Variants in BRINP3 observed in about 807,000 individuals in gnomAD.
BRINP3 encodes the protein BMP/retinoic acid inducible neural specific 3.
Under a neutral mutation model 71.0 loss-of-function variants are expected in BRINP3, and 19 were observed. The observed-to-expected ratio is 0.27, with a 90% CI of 0.19 to 0.39. The LOEUF (loss-of-function observed/expected upper bound fraction) is 0.39, where lower values mean the gene tolerates loss of function less well. Among genes scored for constraint, BRINP3 ranks in the 10% least tolerant of loss-of-function variants. The pLI is 1.00. For synonymous variants in BRINP3, 380 were observed against 337.7 expected, an observed-to-expected ratio of 1.13 and a Z score of -1.37; for missense variants, 959 against 940.8, an observed-to-expected ratio of 1.02 and a Z score of -0.25.
At chr1:190,099,863 AT>A (rs1046259589) in intron 7 of BRINP3, among the ~76,000 whole-genome samples, 7 of 152,018 alleles carry the variant, frequency 4.6e-5, no homozygotes, top group South Asian at 4.2e-4. Flanking sequence ...AGTCATTAAC[AT>A]TTTTTTTCTC....
chr1:190,199,782 A>AC (rs1654833910), intron 6 of BRINP3, among the ~76,000 whole-genome samples: 3 of 147,050 alleles, frequency 2.0e-5, no homozygotes, highest in African/African-American at 4.9e-5. Context: ...AAAAAAAAAA[A>AC]AACAAAAACA....
chr1:190,298,627 T>C (rs1012727537), intron 2 of BRINP3, among the ~76,000 whole-genome samples: 1 of 152,134 alleles, frequency 6.6e-6, no homozygotes, highest in Non-Finnish European at 1.5e-5. Context: ...TCCAAGTGTT[T>C]GGAAATTTCC....
intron 6 of BRINP3, among the ~76,000 whole-genome samples, chr1:190,220,351 A>T (rs1486462470): frequency 6.6e-6 from 1 of 151,940 alleles, no homozygotes. Context: ...ATGAGATCAC[A>T]CGGACACAGG....
chr1:190,225,005 G>A (rs1218745842), intron 6 of BRINP3, among the ~76,000 whole-genome samples: 1 of 151,810 alleles, frequency 6.6e-6, no homozygotes, highest in Non-Finnish European at 1.5e-5. Context: ...TGCAGAGAAA[G>A]GGGAACCCTT....
At chr1:190,147,668 C>G (rs1035836488) in intron 7 of BRINP3, among the ~76,000 whole-genome samples, 4 of 152,180 alleles carry the variant, frequency 2.6e-5, no homozygotes, top group African/African-American at 7.2e-5. Context: ...AAACAAAATT[C>G]TTTTGCTGTC....
intron 1 of BRINP3, among the ~76,000 whole-genome samples, chr1:190,475,541 G>A (rs1677439868): frequency 1.3e-5 from 2 of 152,128 alleles, no homozygotes; most frequent in Admixed American, 1.3e-4. Flanking sequence ...CTACACGCAT[G>A]GGTTATTCCC....
At chr1:190,325,128 C>T (rs1271147299) in intron 2 of BRINP3, among the ~76,000 whole-genome samples, 1 of 151,274 alleles carries the variant, frequency 6.6e-6, no homozygotes, top group Non-Finnish European at 1.5e-5. Flanking sequence ...AGACTGATAC[C>T]CAGAAAAAAA....
At chr1:190,433,587 A>T (rs1674248686) in intron 2 of BRINP3, among the ~76,000 whole-genome samples, 1 of 151,994 alleles carries the variant, frequency 6.6e-6, no homozygotes, top group South Asian at 2.1e-4. Flanking sequence ...CCCTTTTTAG[A>T]CCCATTTCTA....
chr1:190,393,848 C>T (rs1671408903), intron 2 of BRINP3, among the ~76,000 whole-genome samples: 1 of 151,470 alleles, frequency 6.6e-6, no homozygotes, highest in African/African-American at 2.4e-5. Flanking sequence ...CGCAGAATTT[C>T]AGTTTTAAAA....
At chr1:190,249,098 T>C (rs1372550766) in intron 4 of BRINP3, among the ~76,000 whole-genome samples, 5 of 151,736 alleles carry the variant, frequency 3.3e-5, no homozygotes, top group Admixed American at 1.3e-4. Context: ...TGCAAGAATA[T>C]TAGAATACTT....
intron 2 of BRINP3, among the ~76,000 whole-genome samples, chr1:190,423,299 T>C (rs894463282): frequency 2.0e-5 from 3 of 151,744 alleles, no homozygotes; most frequent in African/African-American, 4.8e-5. Flanking sequence ...TTCACTGTTA[T>C]AGAGTTCAAT....
chr1:190,413,019 A>G (rs1449785695), intron 2 of BRINP3, among the ~76,000 whole-genome samples: 1 of 152,184 alleles, frequency 6.6e-6, no homozygotes, highest in Non-Finnish European at 1.5e-5. Flanking sequence ...ATTTTTAAAA[A>G]TCTCTTTATG....
chr1:190,270,038 G>A (rs1383614193), intron 3 of BRINP3, among the ~76,000 whole-genome samples: 1 of 151,922 alleles, frequency 6.6e-6, no homozygotes, highest in Admixed American at 6.6e-5. Context: ...GAAGAAGGCA[G>A]CAAAGATTAT....
intron 1 of BRINP3, among the ~76,000 whole-genome samples, chr1:190,462,913 C>T (rs1263842008): frequency 6.6e-6 from 1 of 151,970 alleles, no homozygotes; most frequent in African/African-American, 2.4e-5. Context: ...TTCTGAGTAA[C>T]TACATATTAT....
chr1:190,333,939 T>C (rs1444884028), intron 2 of BRINP3, among the ~76,000 whole-genome samples: 1 of 151,916 alleles, frequency 6.6e-6, no homozygotes, highest in Non-Finnish European at 1.5e-5. Flanking sequence ...GGGCTCTTAA[T>C]GACTCCAATA....
chr1:190,410,525 G>A (rs548764484), intron 2 of BRINP3, among the ~76,000 whole-genome samples: 12 of 152,070 alleles, frequency 7.9e-5, no homozygotes, highest in East Asian at 7.7e-4. Context: ...TAGACACAAC[G>A]AGGTAATATT....
Position 190,441,340 on chromosome 1 carries a change from G to A in BRINP3, c.236+13315C>T, listed in dbSNP as rs114758133. Reference sequence around the variant, plus strand: ...CATCAGCATCCTTGCAATAAAACGTGAATATCTGCATTCAACACAAAAATA... The same window carrying A: ...CATCAGCATCCTTGCAATAAAACGTAAATATCTGCATTCAACACAAAAATA... On this transcript the variant is annotated intron_variant, in intron 2 of 7. Transcript: ENST00000367462. 2.6e-3 allele frequency among the ~76,000 whole-genome samples: 388 copies of A among 152,064 alleles called. 6 individuals carry two copies. The highest frequency in any genetic ancestry group is 9.0e-3 in the African/African-American group (374 of 41,528).
At chr1:190,248,407 T>C (rs1355358493) in intron 4 of BRINP3, among the ~76,000 whole-genome samples, 2 of 151,712 alleles carry the variant, frequency 1.3e-5, no homozygotes, top group East Asian at 1.9e-4. Flanking sequence ...TGATATAATA[T>C]GAAAATTATA....
intron 2 of BRINP3, among the ~76,000 whole-genome samples, chr1:190,282,130 A>G (rs1338637608): frequency 6.6e-6 from 1 of 151,988 alleles, no homozygotes; most frequent in Admixed American, 6.6e-5. Flanking sequence ...AATGATTTAT[A>G]TTCATCACCC....
Sources: allele counts gnomAD v4.1 joint callset (sites outside exome capture counted in the v4.1 genomes callset), GRCh38; gene constraint gnomAD v4.1.1; transcripts MANE v1.5; gene names NCBI Gene and HGNC (gene_info 2026-07-23, HGNC 2026-07-21).